FBXL7: variants seen among roughly 807,000 people sequenced by gnomAD.
FBXL7 encodes the protein F-box/LRR-repeat protein 7.
FBXL7 carries 12 observed loss-of-function variants against 38.3 expected under a neutral mutation model. The observed-to-expected ratio is 0.31, with a 90% CI of 0.20 to 0.51. FBXL7 has a LOEUF of 0.51. FBXL7 is among the 20% of genes least tolerant of loss of function. FBXL7 has a pLI of 0.98. For missense variants in FBXL7, 567 were observed against 676.4 expected, an observed-to-expected ratio of 0.84 and a Z score of 1.79; for synonymous variants, 297 against 300.9, an observed-to-expected ratio of 0.99 and a Z score of 0.13.
chr5:15,621,451 A>C (rs1442893523), intron 2 of FBXL7, among the ~76,000 whole-genome samples: 1 of 152,128 alleles, frequency 6.6e-6, no homozygotes, highest in African/African-American at 2.4e-5. Context: ...TCTCTCCTAT[A>C]CTGGAAAGAG....
At chr5:15,808,409 G>A (rs551177476) in intron 2 of FBXL7, among the ~76,000 whole-genome samples, 2 of 152,058 alleles carry the variant, frequency 1.3e-5, no homozygotes, top group Admixed American at 6.5e-5. Context: ...ATGGACTTGC[G>A]ATAGCCAATG....
chr5:15,500,761 C>G, intron 1 of FBXL7, 48 bp downstream of exon 1: 3 of 1,591,118 alleles, frequency 1.9e-6, no homozygotes, highest in Admixed American at 1.7e-5. Flanking sequence ...TCCCTCCTCC[C>G]CTTTCCCTCG....
intron 2 of FBXL7, among the ~76,000 whole-genome samples, chr5:15,897,426 G>C (rs922163500): frequency 6.6e-6 from 1 of 152,184 alleles, no homozygotes; most frequent in African/African-American, 2.4e-5. Context: ...CATGATCATG[G>C]AGTTTACAGT....
chr5:15,587,051 A>G (rs951722524), intron 1 of FBXL7, among the ~76,000 whole-genome samples: 4 of 152,144 alleles, frequency 2.6e-5, no homozygotes, highest in Non-Finnish European at 5.9e-5. Context: ...TCTGAACCTC[A>G]GTGGCCCGTT....
At chr5:15,744,812 A>G (rs566387058) in intron 2 of FBXL7, among the ~76,000 whole-genome samples, 36 of 152,292 alleles carry the variant, frequency 2.4e-4, no homozygotes, top group Admixed American at 7.2e-4. Context: ...GAAACTTACA[A>G]TCATGTCAGA....
chr5:15,530,918 C>T (rs1737402236), intron 1 of FBXL7, among the ~76,000 whole-genome samples: 1 of 152,188 alleles, frequency 6.6e-6, no homozygotes, highest in South Asian at 2.1e-4. Context: ...TCTTAGATTG[C>T]AGTCCCCCAA....
chr5:15,693,453 C>A (rs1579383065), intron 2 of FBXL7, among the ~76,000 whole-genome samples: 1 of 152,198 alleles, frequency 6.6e-6, no homozygotes, highest in Admixed American at 6.5e-5. Flanking sequence ...AAAGTGGCTT[C>A]CCTGTGATAC....
chr5:15,725,565 G>A (rs1744323063), intron 2 of FBXL7, among the ~76,000 whole-genome samples: 1 of 152,128 alleles, frequency 6.6e-6, no homozygotes, highest in Non-Finnish European at 1.5e-5. Context: ...CTATCATATG[G>A]TCTGTCCTGC....
chr5:15,712,405 A>G (rs1743904320), intron 2 of FBXL7, among the ~76,000 whole-genome samples: 1 of 151,866 alleles, frequency 6.6e-6, no homozygotes, highest in Non-Finnish European at 1.5e-5. Flanking sequence ...GAAACTGAAA[A>G]ACCTGATACA....
chr5:15,881,507 C>T (rs1740450363), intron 2 of FBXL7, among the ~76,000 whole-genome samples: 1 of 152,178 alleles, frequency 6.6e-6, no homozygotes, highest in Non-Finnish European at 1.5e-5. Flanking sequence ...GTATCTTTTT[C>T]ATATCATGAC....
At chr5:15,685,286 C>T (rs1489348137) in intron 2 of FBXL7, among the ~76,000 whole-genome samples, 1 of 152,110 alleles carries the variant, frequency 6.6e-6, no homozygotes, top group African/African-American at 2.4e-5. Flanking sequence ...CTAAAATATA[C>T]CAATGCATCT....
chr5:15,853,552 T>C (rs1739164842), intron 2 of FBXL7, among the ~76,000 whole-genome samples: 1 of 152,078 alleles, frequency 6.6e-6, no homozygotes, highest in Admixed American at 6.6e-5. Context: ...ACAAGCATCC[T>C]TGTGATAGGG....
intron 3 of FBXL7, chr5:15,935,393 C>T (rs1742154794): frequency 2.6e-6 from 1 of 378,944 alleles, no homozygotes; most frequent in South Asian, 1.8e-5. Context: ...CATCCCGAGG[C>T]TTTGCACAGG....
At chr5:15,864,613 TC>T (rs1407286019) in intron 2 of FBXL7, among the ~76,000 whole-genome samples, 3 of 152,154 alleles carry the variant, frequency 2.0e-5, no homozygotes, top group Non-Finnish European at 4.4e-5. Context: ...CTGTTAGGTC[TC>T]TCAGAGAAGA....
At chr5:15,729,840 CTAG>C (rs1479457265) in intron 2 of FBXL7, among the ~76,000 whole-genome samples, 1 of 152,144 alleles carries the variant, frequency 6.6e-6, no homozygotes. Flanking sequence ...AAGGTTGGTA[CTAG>C]TGTTATCCCC....
chr5:15,613,532 C>T (rs1740328703), intron 1 of FBXL7, among the ~76,000 whole-genome samples: 2 of 152,174 alleles, frequency 1.3e-5, no homozygotes, highest in South Asian at 4.1e-4. Flanking sequence ...CAGATTTGTT[C>T]AGAGCCTAAG....
At chr5:15,839,015 A>G (rs188140317) in intron 2 of FBXL7, among the ~76,000 whole-genome samples, 433 of 151,262 alleles carry the variant, frequency 2.9e-3, no homozygotes, top group Middle Eastern at 6.8e-3. Context: ...CTTTTCATGC[A>G]TTGCAGTTCC....
At position 15,549,341 on chromosome 5, in the gene FBXL7, C is replaced by A. The variant is rs116040028; in HGVS notation, c.37+48628C>A. On this transcript the variant is annotated intron_variant, in intron 1 of 3. Transcript: ENST00000504595. Reference sequence around the variant, plus strand: ...AAAGTATATCTTGGAGAAGTGAAGTCAGAAGCTGGCAGATGAGTTGTAGCA... The same window carrying A: ...AAAGTATATCTTGGAGAAGTGAAGTAAGAAGCTGGCAGATGAGTTGTAGCA... 2.0e-3 allele frequency among the ~76,000 whole-genome samples: 309 copies of A among 152,222 alleles called. 2 individuals are homozygous for A. Among genetic ancestry groups the A allele is most frequent in the African/African-American group, 7.2e-3 (298 of 41,534 alleles).
At chr5:15,615,011 G>C in intron 1 of FBXL7, among the ~76,000 whole-genome samples, 1 of 152,148 alleles carries the variant, frequency 6.6e-6, no homozygotes, top group African/African-American at 2.4e-5. Context: ...GCCAGTCACA[G>C]GTTCAGCCCA....
Sources: allele counts gnomAD v4.1 joint callset (sites outside exome capture counted in the v4.1 genomes callset), GRCh38; gene constraint gnomAD v4.1.1; transcripts MANE v1.5; gene names NCBI Gene and HGNC (gene_info 2026-07-23, HGNC 2026-07-21).